The following KNTC1 variants were observed in gnomAD, a reference collection of about 807,000 sequenced individuals.
KNTC1 encodes kinetochore associated 1.
KNTC1 carries 253 observed loss-of-function variants against 314.4 expected under a neutral mutation model. That is an observed-to-expected ratio of 0.80 (90% CI 0.73 to 0.89). The LOEUF is 0.89. KNTC1 is among the 40% of genes least tolerant of loss of function. KNTC1 has a pLI of 0.00. For missense variants in KNTC1, 2,475 were observed against 2,572.9 expected (o/e 0.96, Z 0.82); for synonymous variants, 901 against 901.4 (o/e 1.00, Z 0.01).
rs569164416 is a variant in KNTC1, at chr12:122,551,686, T to C, written c.1262T>C (p.Leu421Pro). The C allele has an allele frequency of 3.7e-6, 6 of 1,611,948 alleles. No homozygotes were observed. The highest frequency in any genetic ancestry group is 5.1e-6 in the Non-Finnish European group (6 of 1,178,036). ...GAGAGTTTTGCCATTCAGTTTGGAC[T>C]AGATGTTGAGGTAATCATTCATGTA... is the stretch of plus-strand genomic sequence containing the variant. Reference protein sequence around the residue: ...EAESFAIQFGLDVELVYKVKS... With the variant: ...EAESFAIQFGPDVELVYKVKS... Residue 421 changes from leucine to proline, a missense_variant, in exon 16 of 64, where the codon CTA becomes CCA. Coordinates refer to ENST00000333479, the MANE Select transcript of KNTC1 (RefSeq NM_014708.6).
Position 122,624,261 on chromosome 12 carries a change from T to TTTTTCTTTTC in KNTC1, c.6516-322_6516-313dup, listed in dbSNP as rs141832553. Among the ~76,000 whole-genome samples, 126 of 150,970 alleles carry TTTTTCTTTTC rather than the reference T, an allele frequency of 8.3e-4. 1 individual carries two copies. The East Asian group carries it at 0.015, about 18-fold the overall frequency. On this transcript the variant is annotated intron_variant, in intron 62 of 63. Coordinates refer to ENST00000333479, the MANE Select transcript of KNTC1 (RefSeq NM_014708.6). ...ATTTTAATTTTGACTTCAATGCCTC[T>TTTTTCTTTTC]TTTTCTTTTCTTTTCTTTTCTTTTT...
intron 12 of KNTC1, 116 bp downstream of exon 12, chr12:122,548,085 T>C: frequency 3.5e-6 from 2 of 574,202 alleles, no homozygotes; most frequent in South Asian, 2.6e-5. Flanking sequence ...ACACAGAAAC[T>C]TGACAATCAG....
At chr12:122,569,650 A>G (rs1964564847) in intron 21 of KNTC1, 31 bp from the exon 22 acceptor site, 2 of 1,583,830 alleles carry the variant, frequency 1.3e-6, no homozygotes, top group South Asian at 1.1e-5. Context: ...TAAATTTGTC[A>G]GATCTTAATT....
In KNTC1 at chr12:122,601,601, G is replaced by T; in HGVS notation, c.4629G>T (p.Lys1543Asn). 6.5e-7 allele frequency: 1 copy of T among 1,531,496 alleles called. No individual in the cohort carries two copies. Among genetic ancestry groups the T allele is most frequent in the South Asian group, 1.3e-5 (1 of 79,156 alleles). 94.9% of individuals were successfully genotyped at this position (1,531,496 alleles called of 1,614,324 possible). The change falls in exon 45 of 64, where the codon AAG becomes AAT. Residue 1543 changes from lysine to asparagine, a missense_variant. Lys to Asn is a moderately conservative substitution (Grantham distance 94). Transcript: ENST00000333479. The stretch of plus-strand genomic sequence containing the variant: ...AAGTTATAGAACGAGCTGATGAAAA[G>T]ATAACCAATATTAATATTAATCAGG... ...VLKVIERADE[K>N]ITNININQAL...
intron 19 of KNTC1, 68 bp downstream of exon 19, chr12:122,562,042 A>C: frequency 6.9e-7 from 1 of 1,451,346 alleles, no homozygotes; most frequent in South Asian, 1.3e-5. Context: ...TTCCATTCAA[A>C]ATAGACCCGT....
intron 43 of KNTC1, 31 bp downstream of exon 43, chr12:122,594,416 C>G: frequency 1.6e-6 from 2 of 1,249,768 alleles, no homozygotes; most frequent in African/African-American, 1.5e-5. Context: ...GGTATTTTTG[C>G]TGTTAACAAA....
intron 51 of KNTC1, among the ~76,000 whole-genome samples, chr12:122,608,970 G>A (rs1872818832): frequency 6.6e-6 from 1 of 152,048 alleles, no homozygotes; most frequent in Non-Finnish European, 1.5e-5. Context: ...GAGGCAAGAG[G>A]ATTGCTTGAG....
chr12:122,588,403 T>C (rs947275350), intron 39 of KNTC1, among the ~76,000 whole-genome samples: 19 of 152,226 alleles, frequency 1.2e-4, no homozygotes, highest in African/African-American at 4.3e-4. Flanking sequence ...TTGATATGTA[T>C]TAAATGCTGA....
chr12:122,613,893 T>A, intron 55 of KNTC1, 132 bp downstream of exon 55: 1 of 884,736 alleles, frequency 1.1e-6, no homozygotes, highest in Non-Finnish European at 1.6e-6. Context: ...CAGGCTGGAG[T>A]ACAGTGGTGT....
intron 16 of KNTC1, among the ~76,000 whole-genome samples, chr12:122,553,307 A>T (rs1401606944): frequency 6.6e-6 from 1 of 152,094 alleles, no homozygotes; most frequent in African/African-American, 2.4e-5. Context: ...TGAAATGAGG[A>T]ATATGTGTGG....
intron 1 of KNTC1, among the ~76,000 whole-genome samples, chr12:122,529,245 C>G (rs1334293687): frequency 6.6e-6 from 1 of 152,116 alleles, no homozygotes; most frequent in Non-Finnish European, 1.5e-5. Flanking sequence ...AGCACCAAGT[C>G]AGAAATTGTT....
rs773713689 is a variant in KNTC1, at chr12:122,620,609, G to T, written c.6279+1G>T. The T allele has an allele frequency of 3.1e-6, 5 of 1,612,942 alleles. No individual in the cohort carries two copies. In the East Asian group the frequency reaches 1.1e-4, roughly 36 times the overall value. ...AGAGAAAAGACACCAGCAAATTAAGGTATCGTGCACATGATTCCTCTGGGC... is the reference window on the plus strand; with the variant it reads ...AGAGAAAAGACACCAGCAAATTAAGTTATCGTGCACATGATTCCTCTGGGC... On this transcript the variant is annotated splice_donor_variant, in intron 60 of 63. Transcript: ENST00000333479. LOFTEE classifies it high-confidence loss of function.
rs530677737 is a variant in KNTC1, at chr12:122,554,179, C to T, written c.1272+2483C>T. On this transcript the variant is annotated intron_variant, in intron 16 of 63. Coordinates refer to ENST00000333479, the MANE Select transcript of KNTC1 (RefSeq NM_014708.6). ...CTCGTGACCGCAAGTAATCCACCTGCCTTAGCCTCCCAAGGTGCTGGGATT... is the reference window on the plus strand; with the variant it reads ...CTCGTGACCGCAAGTAATCCACCTGTCTTAGCCTCCCAAGGTGCTGGGATT... 7.4e-5 allele frequency among the ~76,000 whole-genome samples: 11 copies of T among 148,974 alleles called. No individual in the cohort carries two copies. In the South Asian group the frequency reaches 2.3e-3, roughly 31 times the overall value.
chr12:122,567,903 G>C (rs959850221), intron 20 of KNTC1, among the ~76,000 whole-genome samples: 5 of 152,130 alleles, frequency 3.3e-5, no homozygotes, highest in Non-Finnish European at 4.4e-5. Context: ...GAGGTGGCAG[G>C]ATTGCTTGAG....
At position 122,597,625 on chromosome 12, in the gene KNTC1, G is replaced by C; in HGVS notation, c.4356-106G>C. Reference sequence around the variant, plus strand: ...TGATTTTGAGACTGGACAATGACAAGGTTAAATTTCAACAATGGAAGCATG... The same window carrying C: ...TGATTTTGAGACTGGACAATGACAACGTTAAATTTCAACAATGGAAGCATG... On this transcript the variant is annotated intron_variant, in intron 43 of 63. Transcript: ENST00000333479. 3 of 887,372 alleles carry C rather than the reference G, an allele frequency of 3.4e-6. No individual in the cohort carries two copies. The South Asian group carries it at 4.4e-5, about 13-fold the overall frequency. 55.0% of individuals were successfully genotyped at this position (887,372 alleles called of 1,614,324 possible). A position where few individuals can be genotyped will look rare whatever the true frequency, so the allele number is the denominator to read the frequency against.
intron 22 of KNTC1, among the ~76,000 whole-genome samples, chr12:122,570,064 A>G (rs529870752): frequency 1.3e-5 from 2 of 152,336 alleles, no homozygotes; most frequent in Admixed American, 6.5e-5. Flanking sequence ...GGAAAGACTA[A>G]CATCACATGT....
rs1593515353 is a variant in KNTC1 at position 122,549,819 on chromosome 12, G to T, written c.1041G>T (p.Leu347Phe). The part of the protein sequence containing the change: ...SLPTMEILYS[L>F]EVSSVSSLVQ... ...CTACAATGGAAATACTATATTCTTT[G>T]GAAGTATCTAGTGTTTCTTCTCTGG... Residue 347 changes from leucine (L) to phenylalanine (F), a missense_variant, in exon 13 of 64, where the codon TTG becomes TTT. Transcript: ENST00000333479. 1 of 1,572,520 alleles carries T rather than the reference G, an allele frequency of 6.4e-7. No homozygotes were observed. The highest frequency in any genetic ancestry group is 1.3e-5 in the African/African-American group (1 of 74,316).
rs1872168809 is a variant in KNTC1 at position 122,603,177 on chromosome 12, C to T, written c.5035C>T (p.Leu1679Phe). ...KITQTIESCL[L>F]SIVNPEWAVA... ...CACGCAGACCATCGAATCCTGCTTA[C>T]TCTCTATAGTCAACCCAGAGTGGGC... Residue 1679 changes from leucine (L) to phenylalanine (F), a missense_variant, in exon 48 of 64, where the codon CTC becomes TTC. Leu to Phe is a conservative substitution (Grantham distance 22). Coordinates refer to ENST00000333479, the MANE Select transcript of KNTC1 (RefSeq NM_014708.6). 6.2e-7 allele frequency: 1 copy of T among 1,613,262 alleles called. No homozygotes were observed. Among genetic ancestry groups the T allele is most frequent in the African/African-American group, 1.3e-5 (1 of 74,878 alleles).
intron 2 of KNTC1, among the ~76,000 whole-genome samples, chr12:122,532,926 T>C (rs1274180544): frequency 2.0e-5 from 3 of 152,150 alleles, no homozygotes; most frequent in Non-Finnish European, 4.4e-5. Flanking sequence ...TAAGAAACTA[T>C]GTGTGAGCCC....
Sources: allele counts gnomAD v4.1 joint callset (sites outside exome capture counted in the v4.1 genomes callset), GRCh38; gene constraint gnomAD v4.1.1; transcripts MANE v1.5; gene names NCBI Gene and HGNC (gene_info 2026-07-23, HGNC 2026-07-21).